Variants in DIAPH2 observed in about 807,000 individuals in gnomAD.
The protein encoded by DIAPH2 is protein diaphanous homolog 2.
In DIAPH2, 35 loss-of-function variants were observed where a neutral mutation model predicts 92.7. The observed-to-expected ratio is 0.38, with a 90% confidence interval of 0.29 to 0.50. The LOEUF is 0.50. Ranked by LOEUF, DIAPH2 falls within the 20% of genes least tolerant of loss-of-function variation. The probability of loss-of-function intolerance (pLI) is 0.94; values close to 1 mark genes in which losing one functional copy is unlikely to be tolerated. For synonymous variants in DIAPH2, 301 were observed against 280.4 expected (o/e 1.07, Z -0.73); for missense variants, 701 against 819.5 (o/e 0.86, Z 1.77).
At chrX:97,428,793 A>T (rs6620275) in intron 25 of DIAPH2, among the ~76,000 whole-genome samples, 1 of 110,231 alleles carries the variant, frequency 9.1e-6, no homozygotes, top group Admixed American at 9.8e-5. Context: ...GGCTGAGCTC[A>T]CTGGGGATTA....
At chrX:97,522,829 A>G (rs1428489538) in intron 26 of DIAPH2, among the ~76,000 whole-genome samples, 1 of 112,699 alleles carries the variant, frequency 8.9e-6, no homozygotes, top group Non-Finnish European at 1.9e-5. Flanking sequence ...TATTTGGAGA[A>G]ATAAGATACT....
At chrX:97,455,551 G>T (rs909901103) in intron 26 of DIAPH2, among the ~76,000 whole-genome samples, 2 of 111,688 alleles carry the variant, frequency 1.8e-5, no homozygotes, top group South Asian at 7.5e-4. Context: ...AAGCTATTGG[G>T]GAAGTTTCCT....
chrX:97,368,638 C>T (rs763006995), intron 24 of DIAPH2, among the ~76,000 whole-genome samples: 37 of 111,145 alleles, frequency 3.3e-4, no homozygotes, highest in Non-Finnish European at 5.3e-4. Context: ...CCCTTTGAGT[C>T]GTTCATCCCA....
intron 24 of DIAPH2, 131 bp downstream of exon 24, chrX:97,348,411 A>G: frequency 1.7e-6 from 1 of 571,585 alleles, no homozygotes; most frequent in Non-Finnish European, 2.6e-6. Flanking sequence ...GAATTGACAG[A>G]TATTTTATAC....
At chrX:97,550,801 T>C (rs1439866821) in intron 26 of DIAPH2, among the ~76,000 whole-genome samples, 1 of 111,824 alleles carries the variant, frequency 8.9e-6, no homozygotes, top group African/African-American at 3.3e-5. Flanking sequence ...TTTTAACTAC[T>C]CTTCTCTGGC....
intron 26 of DIAPH2, among the ~76,000 whole-genome samples, chrX:97,449,966 C>CTT (rs749651729): frequency 1.0e-5 from 1 of 97,504 alleles, no homozygotes; most frequent in Admixed American, 1.1e-4. Context: ...AAGCAGCTGC[C>CTT]TTTTTTTTTT....
At chrX:97,027,297 G>A (rs986147838) in intron 17 of DIAPH2, among the ~76,000 whole-genome samples, 1 of 111,782 alleles carries the variant, frequency 8.9e-6, no homozygotes, top group African/African-American at 3.3e-5. Context: ...AGTAAGTTAC[G>A]TGCAACTGCT....
intron 24 of DIAPH2, among the ~76,000 whole-genome samples, chrX:97,349,897 A>C (rs186979802): frequency 7.7e-4 from 86 of 112,148 alleles, no homozygotes; most frequent in African/African-American, 2.7e-3. Context: ...TTCAAAAAGG[A>C]CAAAACAATG....
chrX:97,124,998 T>G (rs2067082495), intron 21 of DIAPH2, among the ~76,000 whole-genome samples: 1 of 111,046 alleles, frequency 9.0e-6, no homozygotes, highest in South Asian at 3.8e-4. Flanking sequence ...TGTGTGCATA[T>G]GGGTGTTGAG....
chrX:96,825,704 A>T (rs1049722784), intron 4 of DIAPH2, among the ~76,000 whole-genome samples: 1 of 110,963 alleles, frequency 9.0e-6, no homozygotes, highest in Non-Finnish European at 1.9e-5. Flanking sequence ...GTTATTACCT[A>T]CTCTAGTCAC....
At chrX:96,870,357 G>T (rs921986206) in intron 4 of DIAPH2, among the ~76,000 whole-genome samples, 4 of 109,991 alleles carry the variant, frequency 3.6e-5, no homozygotes, top group Non-Finnish European at 7.6e-5. Context: ...CACCTCCGGG[G>T]TTCACGCCAT....
chrX:96,966,906 A>C (rs1031727050), intron 17 of DIAPH2, among the ~76,000 whole-genome samples: 1 of 112,051 alleles, frequency 8.9e-6, no homozygotes, highest in Non-Finnish European at 1.9e-5. Context: ...TTTTCCCAAA[A>C]TCTTTGCCCA....
At chrX:97,590,822 A>C (rs1237519392) in intron 26 of DIAPH2, among the ~76,000 whole-genome samples, 1 of 111,726 alleles carries the variant, frequency 9.0e-6, no homozygotes, top group Non-Finnish European at 1.9e-5. Context: ...GATTTCAGAG[A>C]GCCCATTTCT....
At chrX:97,461,099 A>C (rs5920923) in intron 26 of DIAPH2, among the ~76,000 whole-genome samples, 6 of 110,423 alleles carry the variant, frequency 5.4e-5, no homozygotes, top group Non-Finnish European at 1.1e-4. Flanking sequence ...TTAAGAAAGT[A>C]ATGGGAAGGC....
intron 9 of DIAPH2, among the ~76,000 whole-genome samples, chrX:96,929,432 A>G (rs1324896474): frequency 3.6e-5 from 4 of 111,352 alleles, no homozygotes; most frequent in African/African-American, 1.3e-4. Context: ...TCATTCAGAT[A>G]TCTGGTCATG....
At chrX:97,226,770 T>G (rs2147522203) in intron 22 of DIAPH2, among the ~76,000 whole-genome samples, 1 of 112,414 alleles carries the variant, frequency 8.9e-6, no homozygotes, top group South Asian at 3.7e-4. Context: ...GAAATGTTTG[T>G]GTATTTGTGT....
At chrX:97,203,718 T>C (rs773024304) in intron 22 of DIAPH2, among the ~76,000 whole-genome samples, 1 of 111,814 alleles carries the variant, frequency 8.9e-6, no homozygotes, top group South Asian at 3.8e-4. Flanking sequence ...CCAGATGGAT[T>C]CACAGCTGAA....
chrX:96,814,851 C>T (rs1424090272), intron 4 of DIAPH2, among the ~76,000 whole-genome samples: 1 of 111,649 alleles, frequency 9.0e-6, no homozygotes, highest in Non-Finnish European at 1.9e-5. Flanking sequence ...TGGGTATCAC[C>T]AGCGGAGACT....
chrX:97,474,289 C>G (rs1319659248), intron 26 of DIAPH2, among the ~76,000 whole-genome samples: 1 of 112,604 alleles, frequency 8.9e-6, no homozygotes, highest in Non-Finnish European at 1.9e-5. Flanking sequence ...ATTATGCTGT[C>G]TTGCCTTACA....
Sources: gnomAD v4.1 joint callset for allele counts (sites outside exome capture counted in the v4.1 genomes callset) on GRCh38, gnomAD v4.1.1 for gene constraint, MANE v1.5 for transcripts, NCBI Gene and HGNC (gene_info 2026-07-23, HGNC 2026-07-21) for gene names.